SEMA5A: variants seen among roughly 807,000 people sequenced by gnomAD.
SEMA5A encodes semaphorin-5A.
A neutral mutation model predicts 135.5 loss-of-function variants in SEMA5A; 55 were observed. The ratio of observed to expected loss-of-function variants is 0.41; its 90% CI spans 0.33 to 0.51. The LOEUF is 0.51. Among genes scored for constraint, SEMA5A ranks in the 20% least tolerant of loss-of-function variants. The pLI is 0.37. For synonymous variants in SEMA5A, 580 were observed against 546.5 expected (o/e 1.06, Z -0.85); for missense variants, 1,290 against 1,419.9 (o/e 0.91, Z 1.47).
At chr5:9,324,965 T>C (rs191034796) in intron 4 of SEMA5A, among the ~76,000 whole-genome samples, 1 of 152,330 alleles carries the variant, frequency 6.6e-6, no homozygotes, top group Admixed American at 6.5e-5. Context: ...AGCATTTAAG[T>C]GATCTCATTA....
intron 11 of SEMA5A, among the ~76,000 whole-genome samples, chr5:9,180,535 T>C (rs1269069765): frequency 6.6e-6 from 1 of 152,182 alleles, no homozygotes; most frequent in Non-Finnish European, 1.5e-5. Context: ...TGATAGTTTT[T>C]CACAAGTTAA....
At chr5:9,412,479 C>T (rs997585093) in intron 2 of SEMA5A, among the ~76,000 whole-genome samples, 4 of 125,372 alleles carry the variant, frequency 3.2e-5, no homozygotes, top group Admixed American at 9.6e-5. Context: ...TATTCCTCTA[C>T]TACTTCATTG....
chr5:9,512,062 A>G (rs531581373), intron 1 of SEMA5A: 1 of 152,348 alleles, frequency 6.6e-6, no homozygotes, highest in East Asian at 1.9e-4. Context: ...ATGAAGGCAG[A>G]GAAGTATTCA....
chr5:9,065,441 C>A (rs1449822858), intron 17 of SEMA5A, among the ~76,000 whole-genome samples: 1 of 152,244 alleles, frequency 6.6e-6, no homozygotes, highest in Non-Finnish European at 1.5e-5. Flanking sequence ...TGGCAACACA[C>A]CAGCTCGGTG....
intron 16 of SEMA5A, among the ~76,000 whole-genome samples, chr5:9,093,452 T>C (rs906279650): frequency 1.3e-5 from 2 of 152,210 alleles, no homozygotes; most frequent in African/African-American, 2.4e-5. Flanking sequence ...CTCATGCCTA[T>C]AATCCCAGCA....
intron 5 of SEMA5A, among the ~76,000 whole-genome samples, chr5:9,265,143 T>A (rs116525487): frequency 1.8e-3 from 277 of 152,168 alleles, no homozygotes; most frequent in African/African-American, 6.2e-3. Context: ...ACATTCCCCA[T>A]AGCCCCAAAC....
intron 1 of SEMA5A, among the ~76,000 whole-genome samples, chr5:9,542,128 T>C (rs1385357592): frequency 6.6e-6 from 1 of 152,166 alleles, no homozygotes; most frequent in Non-Finnish European, 1.5e-5. Flanking sequence ...TCTTAAAAAA[T>C]TCATCTGAAA....
At chr5:9,408,368 T>C (rs12659273) in intron 2 of SEMA5A, among the ~76,000 whole-genome samples, 121,519 of 152,192 alleles carry the variant, frequency 0.8, 49,101 homozygotes, top group Non-Finnish European at 0.87. Context: ...CTTCCTGCAC[T>C]TTTACAATTC....
chr5:9,302,964 T>C (rs1467947170), intron 5 of SEMA5A, among the ~76,000 whole-genome samples: 1 of 152,086 alleles, frequency 6.6e-6, no homozygotes, highest in Non-Finnish European at 1.5e-5. Context: ...TGCATATATA[T>C]GACAGACAAT....
At chr5:9,283,070 A>C (rs997398452) in intron 5 of SEMA5A, among the ~76,000 whole-genome samples, 2 of 152,226 alleles carry the variant, frequency 1.3e-5, no homozygotes, top group Non-Finnish European at 2.9e-5. Flanking sequence ...ATCAATGTGC[A>C]TTGTTTTAAG....
At chr5:9,225,895 C>T (rs1039197950) in intron 7 of SEMA5A, among the ~76,000 whole-genome samples, 3 of 152,016 alleles carry the variant, frequency 2.0e-5, no homozygotes, top group Non-Finnish European at 4.4e-5. Context: ...GGGTCAGGCC[C>T]GGTAGGTACA....
At chr5:9,329,767 G>T (rs1753036799) in intron 4 of SEMA5A, among the ~76,000 whole-genome samples, 1 of 152,070 alleles carries the variant, frequency 6.6e-6, no homozygotes, top group South Asian at 2.1e-4. Context: ...GCTGTCCCTT[G>T]GTATCCCCAG....
chr5:9,489,645 A>T (rs1734904995), intron 1 of SEMA5A, among the ~76,000 whole-genome samples: 1 of 152,216 alleles, frequency 6.6e-6, no homozygotes, highest in African/African-American at 2.4e-5. Context: ...TTTTAAGTGA[A>T]GTAGGTATTT....
Position 9,204,849 on chromosome 5 carries a change from C to T in SEMA5A, c.647-2609G>A, listed in dbSNP as rs927583748. On this transcript the variant is annotated intron_variant, in intron 8 of 22. Transcript: ENST00000382496. This position sits in a 1 kb window ranked among gnomAD's most constrained non-coding sequence, Gnocchi z 6.4. ...GCTCCGCCTCCCGTCAGATCAGTGG[C>T]AGCATTAAATTCTCATAGGAGCAGG... 1.3e-5 allele frequency among the ~76,000 whole-genome samples: 2 copies of T among 152,116 alleles called. No individual in the cohort carries two copies. The highest frequency in any genetic ancestry group is 4.8e-5 in the African/African-American group (2 of 41,420).
At chr5:9,522,357 CA>C (rs1736881459) in intron 1 of SEMA5A, among the ~76,000 whole-genome samples, 1 of 152,102 alleles carries the variant, frequency 6.6e-6, no homozygotes, top group Non-Finnish European at 1.5e-5. Context: ...CTAAGATGGG[CA>C]GATCACCTGA....
intron 4 of SEMA5A, among the ~76,000 whole-genome samples, chr5:9,321,799 A>G (rs1358984799): frequency 6.6e-6 from 1 of 152,198 alleles, no homozygotes; most frequent in Non-Finnish European, 1.5e-5. Context: ...TAAATGAATT[A>G]CCTAAGAGCT....
intron 1 of SEMA5A, among the ~76,000 whole-genome samples, chr5:9,501,210 G>C (rs1222839909): frequency 6.6e-6 from 1 of 152,156 alleles, no homozygotes; most frequent in African/African-American, 2.4e-5. Context: ...TGTCAAAATG[G>C]TTGCTAACAC....
chr5:9,423,367 C>G (rs1329155273), intron 2 of SEMA5A, among the ~76,000 whole-genome samples: 2 of 152,172 alleles, frequency 1.3e-5, no homozygotes, highest in African/African-American at 4.8e-5. Flanking sequence ...TGTTTTATTC[C>G]TGAGCTCATC....
intron 17 of SEMA5A, among the ~76,000 whole-genome samples, chr5:9,063,831 G>C (rs930614011): frequency 1.3e-5 from 2 of 152,202 alleles, no homozygotes; most frequent in African/African-American, 4.8e-5. Flanking sequence ...CAGCCAACAG[G>C]CTTTGAGGAC....
Sources: gnomAD v4.1 joint callset for allele counts (sites outside exome capture counted in the v4.1 genomes callset) on GRCh38, gnomAD v4.1.1 for gene constraint, Gnocchi (gnomAD v3.1) non-coding constraint, MANE v1.5 for transcripts, NCBI Gene and HGNC (gene_info 2026-07-23, HGNC 2026-07-21) for gene names.